GFI1B: variants seen among roughly 807,000 people sequenced by gnomAD.
GFI1B encodes the protein zinc finger protein Gfi-1b.
In GFI1B, 20 loss-of-function variants were observed where a neutral mutation model predicts 35.3. The ratio of observed to expected loss-of-function variants is 0.57; its 90% CI spans 0.40 to 0.82. GFI1B has a LOEUF of 0.82. Among genes scored for constraint, GFI1B ranks in the 40% least tolerant of loss-of-function variants. The pLI is 0.00. For missense variants in GFI1B, 430 were observed against 446.3 expected, an observed-to-expected ratio of 0.96 and a Z score of 0.33; for synonymous variants, 178 against 177.6, an observed-to-expected ratio of 1.00 and a Z score of -0.02.
At chr9:132,951,421 G>A (rs1011283280) in intron 1 of GFI1B, 2 of 152,264 alleles carry the variant, frequency 1.3e-5, no homozygotes, top group Non-Finnish European at 2.9e-5. Context: ...ATTGGCCCGA[G>A]AACTCTTCAT....
At chr9:132,947,733 T>C (rs1848141240) in intron 1 of GFI1B, among the ~76,000 whole-genome samples, 1 of 145,448 alleles carries the variant, frequency 6.9e-6, no homozygotes, top group Admixed American at 7.2e-5. Context: ...CACTTGAACC[T>C]GGGAGGCAGA....
intron 1 of GFI1B, among the ~76,000 whole-genome samples, chr9:132,971,162 C>A (rs948354236): frequency 1.3e-5 from 2 of 152,218 alleles, no homozygotes; most frequent in Non-Finnish European, 2.9e-5. Context: ...CTGCGCCCGG[C>A]CCAGATGGAC....
downstream of GFI1B, chr9:132,991,764 G>A (rs373668685): frequency 3.9e-5 from 6 of 152,946 alleles, no homozygotes; most frequent in South Asian, 2.1e-4. Context: ...GGAGTGATGC[G>A]GGGAGGCTTG....
At chr9:132,966,275 C>A (rs1371179064) in intron 1 of GFI1B, among the ~76,000 whole-genome samples, 5 of 151,990 alleles carry the variant, frequency 3.3e-5, no homozygotes, top group Admixed American at 2.0e-4. Flanking sequence ...GGGAGAATCA[C>A]TTGAGCCCCA....
chr9:132,987,525 C>A (rs1849119094), intron 3 of GFI1B, 106 bp downstream of exon 3: 13 of 1,322,972 alleles, frequency 9.8e-6, no homozygotes, highest in African/African-American at 2.9e-5. Flanking sequence ...CAGGAAGGAC[C>A]CACGAAGTCA....
intron 1 of GFI1B, chr9:132,962,628 C>T: frequency 2.0e-6 from 1 of 500,404 alleles, no homozygotes; most frequent in Non-Finnish European, 4.0e-6. Flanking sequence ...GGTACAACTC[C>T]AAAAGGAGAT....
At chr9:132,993,149 C>G (rs1047658136), downstream of GFI1B, among the ~76,000 whole-genome samples, 12 of 152,242 alleles carry the variant, frequency 7.9e-5, 1 homozygote, top group Middle Eastern at 3.4e-3. Flanking sequence ...CAAAAATTAG[C>G]TGGGCATGGT....
At chr9:132,961,754 G>T (rs1848369011) in intron 1 of GFI1B, among the ~76,000 whole-genome samples, 1 of 151,962 alleles carries the variant, frequency 6.6e-6, no homozygotes, top group African/African-American at 2.4e-5. Context: ...ACCACACCTG[G>T]CCAATTTTTT....
Position 132,954,152 on chromosome 9 carries a change from C to T in GFI1B, c.-701+8483C>T, listed in dbSNP as rs927368486. Among the ~76,000 whole-genome samples, 123 of 152,156 alleles carry T rather than the reference C, an allele frequency of 8.1e-4. 1 individual carries two copies. The highest frequency in any genetic ancestry group is 9.6e-4 in the Non-Finnish European group (65 of 68,006). ...TCACCAAGGCTAGAATGCAGTGGTG[C>T]GATCTCAGCCCACTGCAACCTCCAC... is the stretch of plus-strand genomic sequence containing the variant. On this transcript the variant is annotated intron_variant, in intron 1 of 10. Coordinates refer to the GFI1B transcript ENST00000339463.
chr9:132,958,626 C>T (rs1848318692), intron 1 of GFI1B, among the ~76,000 whole-genome samples: 1 of 152,204 alleles, frequency 6.6e-6, no homozygotes, highest in South Asian at 2.1e-4. Context: ...CAGACCCCAC[C>T]TCCAATATTG....
At chr9:132,972,568 C>T (rs1488567833) in intron 1 of GFI1B, among the ~76,000 whole-genome samples, 1 of 152,108 alleles carries the variant, frequency 6.6e-6, no homozygotes, top group Non-Finnish European at 1.5e-5. Context: ...CCAGCCTGGG[C>T]GACAGAGTGA....
chr9:132,988,861 A>T (rs1302804280), intron 4 of GFI1B, among the ~76,000 whole-genome samples, 200 bp from the exon 5 acceptor site: 1 of 152,070 alleles, frequency 6.6e-6, no homozygotes, highest in Non-Finnish European at 1.5e-5. Context: ...CCAACTTTGT[A>T]GAAGGGAGAC....
intron 1 of GFI1B, among the ~76,000 whole-genome samples, chr9:132,980,879 A>G (rs1848800511): frequency 6.6e-6 from 1 of 151,100 alleles, no homozygotes; most frequent in South Asian, 2.1e-4. Context: ...ATGTTCAATC[A>G]TATGTCTAGA....
upstream of GFI1B, chr9:132,975,336 T>C (rs1454972968): frequency 6.6e-6 from 1 of 152,268 alleles, no homozygotes; most frequent in Non-Finnish European, 1.5e-5. Context: ...GTTTCTTCCC[T>C]AATGAACTTG....
chr9:132,961,177 T>C (rs773773377), intron 1 of GFI1B, among the ~76,000 whole-genome samples: 3 of 152,092 alleles, frequency 2.0e-5, no homozygotes, highest in Non-Finnish European at 2.9e-5. Flanking sequence ...GAAGAAAACC[T>C]TTCTAAAAAT....
At chr9:132,956,621 CAT>C (rs1239791221) in intron 1 of GFI1B, among the ~76,000 whole-genome samples, 1 of 152,230 alleles carries the variant, frequency 6.6e-6, no homozygotes, top group East Asian at 1.9e-4. Context: ...CAAAATAACA[CAT>C]ATATTTCAGG....
At chr9:132,954,507 A>G (rs1848250977) in intron 1 of GFI1B, among the ~76,000 whole-genome samples, 1 of 150,658 alleles carries the variant, frequency 6.6e-6, no homozygotes, top group Non-Finnish European at 1.5e-5. Context: ...CCCAGGAGGC[A>G]GAAGTTGCAG....
Position 132,982,299 on chromosome 9 carries a change from T to C in GFI1B, c.-21+3458T>C, listed in dbSNP as rs145536191. Reference sequence around the variant, plus strand: ...ATAGGAAAACCAAGCCCCAGGTTGGTGGCTGATGCGGTCACAAGCTCCAGG... The same window carrying C: ...ATAGGAAAACCAAGCCCCAGGTTGGCGGCTGATGCGGTCACAAGCTCCAGG... On this transcript the variant is annotated intron_variant, in intron 1 of 6. Coordinates refer to ENST00000372122, the MANE Select transcript of GFI1B (RefSeq NM_001377304.1). 2.1e-3 allele frequency among the ~76,000 whole-genome samples: 313 copies of C among 152,308 alleles called. 1 individual carries two copies. Among genetic ancestry groups the C allele is most frequent in the African/African-American group, 7.1e-3 (297 of 41,552 alleles).
At chr9:132,958,443 C>G (rs1020089676) in intron 1 of GFI1B, among the ~76,000 whole-genome samples, 1 of 152,162 alleles carries the variant, frequency 6.6e-6, no homozygotes, top group African/African-American at 2.4e-5. Flanking sequence ...AAATGGAAAG[C>G]AGGCACGTCA....
Sources: gnomAD v4.1 joint callset for allele counts (sites outside exome capture counted in the v4.1 genomes callset) on GRCh38, gnomAD v4.1.1 for gene constraint, MANE v1.5 for transcripts, NCBI Gene and HGNC (gene_info 2026-07-23, HGNC 2026-07-21) for gene names.